The following SPON1 variants were observed in gnomAD, a reference collection of about 807,000 sequenced individuals.
SPON1 encodes spondin 1, also known as spondin-1.
Under a neutral mutation model 111.7 loss-of-function variants are expected in SPON1, and 52 were observed. The ratio of observed to expected loss-of-function variants is 0.47; its 90% CI spans 0.37 to 0.59. SPON1 has a LOEUF of 0.59. Ranked by LOEUF, SPON1 falls within the 20% of genes least tolerant of loss-of-function variation. The pLI is 0.00. For missense variants in SPON1, 957 were observed against 1,068.5 expected (o/e 0.90, Z 1.46); for synonymous variants, 410 against 395.8 (o/e 1.04, Z -0.43).
chr11:14,011,376 A>G (rs1227918308), intron 2 of SPON1, among the ~76,000 whole-genome samples: 2 of 147,560 alleles, frequency 1.4e-5, no homozygotes, highest in Non-Finnish European at 3.1e-5. Context: ...AATCTAAGGA[A>G]AGCTATGTAC....
intron 5 of SPON1, among the ~76,000 whole-genome samples, chr11:14,125,864 A>G (rs2133856054): frequency 6.6e-6 from 1 of 152,328 alleles, no homozygotes; most frequent in South Asian, 2.1e-4. Flanking sequence ...CTGGAGTCCT[A>G]GGGGAACCAA....
intron 1 of SPON1, among the ~76,000 whole-genome samples, chr11:13,977,764 C>T (rs960891432): frequency 2.0e-5 from 3 of 152,036 alleles, no homozygotes; most frequent in East Asian, 1.9e-4. Flanking sequence ...CAAGGTCATT[C>T]GCATTTTATT....
chr11:13,977,092 C>T (rs1848109062), intron 1 of SPON1, among the ~76,000 whole-genome samples: 1 of 152,142 alleles, frequency 6.6e-6, no homozygotes, highest in Non-Finnish European at 1.5e-5. Context: ...ATTTATATAC[C>T]TATTCTAGGG....
At chr11:14,000,651 C>A (rs1554912354) in intron 2 of SPON1, among the ~76,000 whole-genome samples, 1 of 151,944 alleles carries the variant, frequency 6.6e-6, no homozygotes, top group Non-Finnish European at 1.5e-5. Flanking sequence ...CCACCCTCAG[C>A]CCATTTTCCC....
chr11:14,237,976 G>A (rs1848885505), intron 6 of SPON1, among the ~76,000 whole-genome samples: 1 of 152,166 alleles, frequency 6.6e-6, no homozygotes, highest in Non-Finnish European at 1.5e-5. Flanking sequence ...TCAGACTGAG[G>A]TCTAAACTCT....
chr11:13,990,373 C>CTTTTTTTTT (rs1159719282), intron 2 of SPON1, among the ~76,000 whole-genome samples: 8 of 21,710 alleles, frequency 3.7e-4, no homozygotes, highest in Admixed American at 8.4e-4. Flanking sequence ...GCAACTCCTG[C>CTTTTTTTTT]TTTTTTTTTT....
intron 1 of SPON1, among the ~76,000 whole-genome samples, chr11:13,974,781 TC>T (rs1309770792): frequency 6.6e-6 from 1 of 152,084 alleles, no homozygotes; most frequent in Non-Finnish European, 1.5e-5. Context: ...TACTGCCTCA[TC>T]CCCCCTCCCC....
At chr11:13,988,912 T>A (rs1848206238) in intron 2 of SPON1, among the ~76,000 whole-genome samples, 1 of 152,198 alleles carries the variant, frequency 6.6e-6, no homozygotes, top group African/African-American at 2.4e-5. Context: ...TTGATCGTGG[T>A]GGATAAGCTT....
intron 6 of SPON1, among the ~76,000 whole-genome samples, chr11:14,167,435 T>C (rs1395198973): frequency 1.3e-5 from 2 of 152,090 alleles, no homozygotes; most frequent in Admixed American, 6.6e-5. Context: ...CCAATAAAGA[T>C]AGCATGAGGC....
At chr11:14,065,272 C>T (rs1554920249) in intron 3 of SPON1, among the ~76,000 whole-genome samples, 1 of 152,150 alleles carries the variant, frequency 6.6e-6, no homozygotes, top group East Asian at 1.9e-4. Flanking sequence ...TGCAGTCAGC[C>T]CTAGTTTGCA....
chr11:14,254,848 G>A, intron 8 of SPON1, 119 bp downstream of exon 8: 1 of 1,008,522 alleles, frequency 9.9e-7, no homozygotes, highest in Non-Finnish European at 1.5e-6. Context: ...TCTGGCTGGG[G>A]AGGCTGGCAT....
chr11:14,146,122 A>C (rs905050153), intron 6 of SPON1, among the ~76,000 whole-genome samples: 4 of 150,610 alleles, frequency 2.7e-5, no homozygotes, highest in Admixed American at 1.3e-4. Flanking sequence ...GTATTGCTTG[A>C]ATTTTACCAT....
intron 5 of SPON1, among the ~76,000 whole-genome samples, chr11:14,105,652 C>G (rs1423045130): frequency 1.3e-5 from 2 of 151,162 alleles, no homozygotes; most frequent in African/African-American, 4.9e-5. Context: ...TTCAATGGTT[C>G]CAGTCATTTA....
chr11:14,045,407 G>A (rs957559420), intron 3 of SPON1, among the ~76,000 whole-genome samples: 11 of 151,868 alleles, frequency 7.2e-5, no homozygotes, highest in African/African-American at 1.2e-4. Flanking sequence ...TGAAACCCCC[G>A]TCTCTTCTAA....
At chr11:14,234,930 T>G (rs782782280) in intron 6 of SPON1, among the ~76,000 whole-genome samples, 2 of 152,270 alleles carry the variant, frequency 1.3e-5, no homozygotes, top group Non-Finnish European at 2.9e-5. Context: ...AGACAGCAGC[T>G]TGTGATGGTG....
Position 14,235,660 on chromosome 11 carries a change from C to T in SPON1, c.826-7672C>T, listed in dbSNP as rs569803113. ...TGCCCCTGTACTCCAGCCTAGGCAA[C>T]AGAGAAAGACCCTGCCTCAAAAAAA... On this transcript the variant is annotated intron_variant, in intron 6 of 15. Coordinates refer to ENST00000576479, the MANE Select transcript of SPON1 (RefSeq NM_006108.4). Among the ~76,000 whole-genome samples the T allele has an allele frequency of 3.3e-5, 3 of 90,712 alleles. No individual in the cohort carries two copies. The South Asian group carries it at 1.2e-3, about 37-fold the overall frequency. 59.5% of individuals were successfully genotyped at this position (90,712 alleles called of 152,430 possible). A position where few individuals can be genotyped will look rare whatever the true frequency, so the allele number is the denominator to read the frequency against.
intron 14 of SPON1, 134 bp from the exon 15 acceptor site, chr11:14,262,578 T>G (rs1445825092): frequency 5.8e-6 from 7 of 1,214,380 alleles, no homozygotes; most frequent in Non-Finnish European, 6.9e-6. Context: ...AGCCTCAGTT[T>G]CTTCTTCTGT....
At chr11:13,987,059 A>C (rs1364514026) in intron 2 of SPON1, among the ~76,000 whole-genome samples, 1 of 152,224 alleles carries the variant, frequency 6.6e-6, no homozygotes, top group Non-Finnish European at 1.5e-5. Context: ...AATGATTTAT[A>C]ATCCTTTGGA....
intron 2 of SPON1, among the ~76,000 whole-genome samples, chr11:14,019,069 T>C (rs1848462978): frequency 6.6e-6 from 1 of 152,144 alleles, no homozygotes; most frequent in Admixed American, 6.6e-5. Flanking sequence ...AGACAGAGTT[T>C]GAATGAGGAG....
Sources: gnomAD v4.1 joint callset for allele counts (sites outside exome capture counted in the v4.1 genomes callset) on GRCh38, gnomAD v4.1.1 for gene constraint, MANE v1.5 for transcripts, NCBI Gene and HGNC (gene_info 2026-07-23, HGNC 2026-07-21) for gene names.